MAP2K6: variants seen among roughly 807,000 people sequenced by gnomAD.
MAP2K6 encodes the protein dual specificity mitogen-activated protein kinase kinase 6.
A neutral mutation model predicts 53.7 loss-of-function variants in MAP2K6; 16 were observed. The observed-to-expected ratio is 0.30, with a 90% CI of 0.20 to 0.45. MAP2K6 has a LOEUF of 0.45. MAP2K6 is among the 20% of genes least tolerant of loss of function. The pLI is 1.00. For missense variants in MAP2K6, 204 were observed against 411.9 expected, an observed-to-expected ratio of 0.50 and a Z score of 4.37; for synonymous variants, 132 against 143.1, an observed-to-expected ratio of 0.92 and a Z score of 0.55.
chr17:69,508,695 A>G (rs954938875), intron 2 of MAP2K6, among the ~76,000 whole-genome samples: 1 of 152,248 alleles, frequency 6.6e-6, no homozygotes, highest in African/African-American at 2.4e-5. Flanking sequence ...TAATAAGTCT[A>G]AGAACCCTTT....
intron 9 of MAP2K6, among the ~76,000 whole-genome samples, chr17:69,525,528 T>C (rs1401155223): frequency 6.6e-6 from 1 of 152,196 alleles, no homozygotes; most frequent in Non-Finnish European, 1.5e-5. Context: ...AGAGGTTTAA[T>C]GGACTCACAG....
chr17:69,473,509 T>G (rs1258148716), intron 1 of MAP2K6, among the ~76,000 whole-genome samples: 1 of 152,216 alleles, frequency 6.6e-6, no homozygotes, highest in African/African-American at 2.4e-5. Context: ...TCAGCTTTCT[T>G]CCTTATACCT....
At chr17:69,477,240 G>T (rs1317168706) in intron 1 of MAP2K6, 2 of 152,240 alleles carry the variant, frequency 1.3e-5, no homozygotes, top group African/African-American at 4.8e-5. Context: ...GCCATGCTAG[G>T]TACAACTGAT....
At chr17:69,416,945 G>A (rs968784081) in intron 1 of MAP2K6, among the ~76,000 whole-genome samples, 1 of 152,156 alleles carries the variant, frequency 6.6e-6, no homozygotes, top group Non-Finnish European at 1.5e-5. Context: ...CAGTTTTTGA[G>A]TTGAGAAGCC....
At chr17:69,458,806 A>G (rs568733006) in intron 1 of MAP2K6, among the ~76,000 whole-genome samples, 1 of 152,110 alleles carries the variant, frequency 6.6e-6, no homozygotes, top group Non-Finnish European at 1.5e-5. Context: ...TTTCCTGTCA[A>G]GTTCATGGTG....
At position 69,547,178 on chromosome 17, in the gene MAP2K6, A is replaced by C. The variant is rs1911911710; in HGVS notation, c.*5425A>C. The C allele has an allele frequency of 6.6e-6, 1 of 152,038 alleles. No individual in the cohort carries two copies. Among genetic ancestry groups the C allele is most frequent in the African/African-American group, 2.4e-5 (1 of 41,368 alleles). 9.4% of individuals were successfully genotyped at this position (152,038 alleles called of 1,614,324 possible). ...ATTTACATTGTATATGAAGCACATAATTTTGCAAACTTTTTTTGGTTGTTG... is the reference window on the plus strand; with the variant it reads ...ATTTACATTGTATATGAAGCACATACTTTTGCAAACTTTTTTTGGTTGTTG... On this transcript the variant is annotated 3_prime_UTR_variant, in exon 12 of 12. Transcript: ENST00000590474.
chr17:69,516,915 T>G lies in MAP2K6; in HGVS notation c.132+12T>G, dbSNP rs1363160319. On this transcript the variant is annotated intron_variant, in intron 3 of 11. Coordinates refer to ENST00000590474, the MANE Select transcript of MAP2K6 (RefSeq NM_002758.4). ...CTATTGGAAATCAGGTAAGAAAAAA[T>G]CATGTCTGCCACCTAATACGTTGGC... 6.4e-7 allele frequency: 1 copy of G among 1,571,910 alleles called. No homozygotes were observed. The highest frequency in any genetic ancestry group is 2.2e-5 in the East Asian group (1 of 44,544).
At chr17:69,541,389 G>T (rs555212657) in intron 11 of MAP2K6, among the ~76,000 whole-genome samples, 9 of 152,218 alleles carry the variant, frequency 5.9e-5, no homozygotes, top group South Asian at 4.1e-4. Context: ...GTCAATCTTT[G>T]TATTTTGCTG....
At chr17:69,499,768 A>G (rs1311053038) in intron 1 of MAP2K6, among the ~76,000 whole-genome samples, 2 of 152,240 alleles carry the variant, frequency 1.3e-5, no homozygotes, top group Non-Finnish European at 2.9e-5. Flanking sequence ...ATACAAAAAT[A>G]AAATAATTCT....
intron 1 of MAP2K6, among the ~76,000 whole-genome samples, chr17:69,453,831 G>C (rs994988288): frequency 6.6e-6 from 1 of 152,160 alleles, no homozygotes; most frequent in Non-Finnish European, 1.5e-5. Context: ...CCCAGGCTGA[G>C]TTTGGAACAA....
At chr17:69,502,246 G>C (rs938049766) in intron 1 of MAP2K6, 43 of 985,396 alleles carry the variant, frequency 4.4e-5, no homozygotes, top group Middle Eastern at 5.2e-4. Context: ...ACTTGAGGAG[G>C]GGGTGGAGTC....
intron 1 of MAP2K6, chr17:69,435,455 A>C (rs1265712761): frequency 6.6e-6 from 1 of 151,472 alleles, no homozygotes; most frequent in African/African-American, 2.4e-5. Context: ...GAATTGCTTG[A>C]ACCCGGAGGT....
At position 69,502,160 on chromosome 17, in the gene MAP2K6, AC is replaced by A. The variant is rs759604042; in HGVS notation, c.17-3617del. 1.1e-5 allele frequency: 11 copies of A among 985,348 alleles called. No homozygotes were observed. In the East Asian group the frequency reaches 3.4e-4, roughly 30 times the overall value. The allele number at this position is 985,348 out of a possible 1,614,324, so 61.0% of individuals were successfully genotyped here. A position where few individuals can be genotyped will look rare whatever the true frequency, so the allele number is the denominator to read the frequency against. On this transcript the variant is annotated intron_variant, in intron 1 of 11. Coordinates refer to ENST00000590474, the MANE Select transcript of MAP2K6 (RefSeq NM_002758.4). Reference sequence around the variant, plus strand: ...ATGTCACGCCTGGGTGTCCACATAGACCCACTTCCCTTCTCCCTTCCTGAAG... The same window carrying A: ...ATGTCACGCCTGGGTGTCCACATAGACCACTTCCCTTCTCCCTTCCTGAAG...
At chr17:69,429,411 C>G (rs959462734) in intron 1 of MAP2K6, among the ~76,000 whole-genome samples, 2 of 151,942 alleles carry the variant, frequency 1.3e-5, no homozygotes, top group Non-Finnish European at 2.9e-5. Context: ...CCACTGCACT[C>G]CAGCCTGGGC....
intron 2 of MAP2K6, 52 bp from the exon 3 acceptor site, chr17:69,516,803 C>A: frequency 7.5e-7 from 1 of 1,328,012 alleles, no homozygotes; most frequent in Non-Finnish European, 1.1e-6. Context: ...TTGGGAAGGA[C>A]ATAATTGACT....
rs1307260676 is a variant in MAP2K6, at chr17:69,549,560, C to G, written c.*7807C>G. ...ATTTTCATATAACAAAAATCAAAGT[C>G]AACAATTTTGTATCAGGCTGCCTAA... is the stretch of plus-strand genomic sequence containing the variant. On this transcript the variant is annotated 3_prime_UTR_variant, in exon 12 of 12. Transcript: ENST00000590474. 1.3e-5 allele frequency: 2 copies of G among 152,090 alleles called. No homozygotes were observed. The highest frequency in any genetic ancestry group is 6.6e-5 in the Admixed American group (1 of 15,262). 9.4% of individuals were successfully genotyped at this position (152,090 alleles called of 1,614,324 possible).
intron 1 of MAP2K6, among the ~76,000 whole-genome samples, chr17:69,418,476 A>G (rs1905973585): frequency 2.0e-5 from 3 of 152,220 alleles, no homozygotes; most frequent in Admixed American, 1.3e-4. Context: ...AGAAAAGGAA[A>G]AATAAGAATG....
At chr17:69,487,658 G>A (rs142660521) in intron 1 of MAP2K6, among the ~76,000 whole-genome samples, 1 of 152,204 alleles carries the variant, frequency 6.6e-6, no homozygotes, top group African/African-American at 2.4e-5. Flanking sequence ...TGCTAATGAC[G>A]GGCTTGGTCC....
chr17:69,492,418 C>T (rs1908786502), intron 1 of MAP2K6, among the ~76,000 whole-genome samples: 1 of 152,150 alleles, frequency 6.6e-6, no homozygotes, highest in Admixed American at 6.5e-5. Flanking sequence ...GTCCTTTCCC[C>T]AGTGTTTGTT....
Sources: gnomAD v4.1 joint callset for allele counts (sites outside exome capture counted in the v4.1 genomes callset) on GRCh38, gnomAD v4.1.1 for gene constraint, MANE v1.5 for transcripts, NCBI Gene and HGNC (gene_info 2026-07-23, HGNC 2026-07-21) for gene names.